PIP4K2A: variants seen among roughly 807,000 people sequenced by gnomAD.
PIP4K2A encodes the protein phosphatidylinositol 5-phosphate 4-kinase type-2 alpha.
PIP4K2A carries 14 observed loss-of-function variants against 42.9 expected under a neutral mutation model. The ratio of observed to expected loss-of-function variants is 0.33; its 90% CI spans 0.22 to 0.51. The LOEUF (loss-of-function observed/expected upper bound fraction) is 0.51. Ranked by LOEUF, PIP4K2A falls within the 20% of genes least tolerant of loss-of-function variation. The pLI is 0.97. For synonymous variants in PIP4K2A, 192 were observed against 192.2 expected (o/e 1.00, Z 0.01); for missense variants, 434 against 519.8 (o/e 0.83, Z 1.61).
intron 5 of PIP4K2A, among the ~76,000 whole-genome samples, chr10:22,572,604 C>CG (rs541079479): frequency 6.9e-6 from 1 of 145,394 alleles, no homozygotes; most frequent in Non-Finnish European, 1.5e-5. Flanking sequence ...GACTCTTTCT[C>CG]AAAAAAAAAA....
At chr10:22,653,767 C>T (rs1352017155) in intron 1 of PIP4K2A, among the ~76,000 whole-genome samples, 5 of 152,030 alleles carry the variant, frequency 3.3e-5, no homozygotes, top group African/African-American at 1.2e-4. Context: ...CCCAGCTACT[C>T]GGAGGCTGAG....
rs115879354 is a variant in PIP4K2A at position 22,708,771 on chromosome 10, C to T, written c.144+5412G>A. Among the ~76,000 whole-genome samples the T allele has an allele frequency of 3.3e-3, 496 of 152,234 alleles. 2 individuals carry two copies. The highest frequency in any genetic ancestry group is 0.011 in the African/African-American group (471 of 41,534). Reference sequence around the variant, plus strand: ...CTCCCAACAGATCTGCTGAATTAGACACTGCATTTTAATTTTTATTGTTTC... The same window carrying T: ...CTCCCAACAGATCTGCTGAATTAGATACTGCATTTTAATTTTTATTGTTTC... On this transcript the variant is annotated intron_variant, in intron 1 of 9. Coordinates refer to ENST00000376573, the MANE Select transcript of PIP4K2A (RefSeq NM_005028.5).
chr10:22,712,352 ACT>A (rs1368021944), intron 1 of PIP4K2A, among the ~76,000 whole-genome samples: 1 of 152,132 alleles, frequency 6.6e-6, no homozygotes, highest in African/African-American at 2.4e-5. Context: ...CAGAAAGCAC[ACT>A]CTTTTTCGGC....
intron 1 of PIP4K2A, among the ~76,000 whole-genome samples, chr10:22,684,622 C>T (rs1463591623): frequency 1.3e-5 from 2 of 152,138 alleles, no homozygotes; most frequent in Admixed American, 6.6e-5. Flanking sequence ...CCTGACACAC[C>T]TTCCAATGTC....
intron 1 of PIP4K2A, among the ~76,000 whole-genome samples, chr10:22,636,669 C>G (rs1266037833): frequency 6.6e-6 from 1 of 152,202 alleles, no homozygotes; most frequent in Admixed American, 6.5e-5. Flanking sequence ...ACATGTCCTT[C>G]AAGTCTGTAG....
chr10:22,549,866 AAAAAAAAAGAAAG>A (rs1836357931), intron 7 of PIP4K2A, among the ~76,000 whole-genome samples: 1 of 139,066 alleles, frequency 7.2e-6, no homozygotes, highest in Non-Finnish European at 1.6e-5. Context: ...AAAAAAAAAA[AAAAAAAAAGAAAG>A]GAAAGAAAAT....
intron 1 of PIP4K2A, among the ~76,000 whole-genome samples, chr10:22,693,694 C>A (rs1839917136): frequency 6.6e-6 from 1 of 152,150 alleles, no homozygotes; most frequent in African/African-American, 2.4e-5. Flanking sequence ...CACAGATGAC[C>A]TTAACACACA....
intron 1 of PIP4K2A, among the ~76,000 whole-genome samples, chr10:22,710,673 C>A (rs1189299862): frequency 6.6e-6 from 1 of 152,208 alleles, no homozygotes; most frequent in Non-Finnish European, 1.5e-5. Context: ...TTTCCTTCTA[C>A]TGTGATAGGC....
chr10:22,607,259 A>G (rs1179824893), intron 3 of PIP4K2A, among the ~76,000 whole-genome samples: 2 of 152,232 alleles, frequency 1.3e-5, no homozygotes, highest in Non-Finnish European at 2.9e-5. Flanking sequence ...CAGTTATTTA[A>G]AGAGTTAAAA....
intron 1 of PIP4K2A, among the ~76,000 whole-genome samples, chr10:22,669,219 C>T (rs191486251): frequency 2.0e-4 from 30 of 151,642 alleles, no homozygotes; most frequent in Admixed American, 1.7e-3. Context: ...TAGAAGAGAC[C>T]GAAGATCAAA....
At chr10:22,577,809 G>C (rs1837159891) in intron 4 of PIP4K2A, among the ~76,000 whole-genome samples, 1 of 152,150 alleles carries the variant, frequency 6.6e-6, no homozygotes. Context: ...TAAATGTGCT[G>C]AAGTTTCTCT....
chr10:22,556,182 A>G (rs1836540712), intron 6 of PIP4K2A, among the ~76,000 whole-genome samples: 1 of 152,150 alleles, frequency 6.6e-6, no homozygotes, highest in South Asian at 2.1e-4. Flanking sequence ...ATTTCATTTC[A>G]CTACACAGGA....
rs1417059903 is a variant in PIP4K2A, at chr10:22,607,920, A to G, written c.339+7T>C. 1 of 1,595,466 alleles carries G rather than the reference A, an allele frequency of 6.3e-7. No individual in the cohort carries two copies. Among genetic ancestry groups the G allele is most frequent in the Non-Finnish European group, 8.6e-7 (1 of 1,163,434 alleles). On this transcript the variant is annotated splice_region_variant and intron_variant, in intron 3 of 9. Transcript: ENST00000376573. ...TACTGGAAGCAAATGTTACAAACGCAACTCACCTGGAAATCTTGATCATCA... is the reference window on the plus strand; with the variant it reads ...TACTGGAAGCAAATGTTACAAACGCGACTCACCTGGAAATCTTGATCATCA...
intron 1 of PIP4K2A, among the ~76,000 whole-genome samples, chr10:22,712,614 T>C (rs561441100): frequency 9.2e-5 from 14 of 152,288 alleles, no homozygotes; most frequent in East Asian, 1.9e-4. Flanking sequence ...TTAGGAAAAA[T>C]TGCATTTCAT....
chr10:22,615,231 T>C (rs887308960), intron 1 of PIP4K2A, among the ~76,000 whole-genome samples: 1 of 152,200 alleles, frequency 6.6e-6, no homozygotes, highest in African/African-American at 2.4e-5. Flanking sequence ...CTCAGTCTTC[T>C]GAGAGCTGGG....
intron 1 of PIP4K2A, among the ~76,000 whole-genome samples, chr10:22,624,498 C>G (rs528146330): frequency 6.6e-6 from 1 of 152,282 alleles, no homozygotes; most frequent in East Asian, 1.9e-4. Context: ...TATTTGCTAA[C>G]TTATTTCCTG....
chr10:22,570,576 G>A (rs1009672798), intron 5 of PIP4K2A, among the ~76,000 whole-genome samples: 1 of 152,224 alleles, frequency 6.6e-6, no homozygotes, highest in Non-Finnish European at 1.5e-5. Context: ...AGTGTGTGGG[G>A]ACTTCAGAGG....
intron 1 of PIP4K2A, among the ~76,000 whole-genome samples, chr10:22,674,354 T>C (rs753898599): frequency 6.9e-6 from 1 of 143,986 alleles, no homozygotes; most frequent in African/African-American, 2.6e-5. Context: ...CCAGACACTG[T>C]GACTCCTAAG....
chr10:22,636,675 T>C (rs1838671652), intron 1 of PIP4K2A, among the ~76,000 whole-genome samples: 2 of 152,254 alleles, frequency 1.3e-5, no homozygotes, highest in Admixed American at 1.3e-4. Context: ...CCTTCAAGTC[T>C]GTAGTACAGA....
Sources: allele counts gnomAD v4.1 joint callset (sites outside exome capture counted in the v4.1 genomes callset), GRCh38; gene constraint gnomAD v4.1.1; transcripts MANE v1.5; gene names NCBI Gene and HGNC (gene_info 2026-07-23, HGNC 2026-07-21).